ACAD11: variants seen among roughly 807,000 people sequenced by gnomAD.
ACAD11 encodes acyl-Coenzyme A dehydrogenase family, member 11.
In ACAD11, 83 loss-of-function variants were observed where a neutral mutation model predicts 102.2. The observed-to-expected ratio is 0.81, with a 90% confidence interval of 0.68 to 0.97. The LOEUF (loss-of-function observed/expected upper bound fraction) is 0.97. Ranked by LOEUF, ACAD11 falls within the 50% of genes least tolerant of loss-of-function variation. The probability of loss-of-function intolerance (pLI) is 0.00; values close to 1 mark genes in which losing one functional copy is unlikely to be tolerated. For missense variants in ACAD11, 901 were observed against 951.7 expected (o/e 0.95, Z 0.70); for synonymous variants, 324 against 319.8 (o/e 1.01, Z -0.14).
intron 1 of ACAD11, among the ~76,000 whole-genome samples, chr3:132,656,871 T>G (rs1004577955): frequency 2.0e-5 from 3 of 151,970 alleles, no homozygotes; most frequent in Admixed American, 2.0e-4. Context: ...TTAATTTGCA[T>G]TTCCCTTATT....
At chr3:132,559,654 A>G (rs1420473071) in intron 19 of ACAD11, among the ~76,000 whole-genome samples, 179 bp downstream of exon 19, 1 of 152,128 alleles carries the variant, frequency 6.6e-6, no homozygotes, top group Admixed American at 6.5e-5. Flanking sequence ...GAATGAAATG[A>G]TTATTGTAAT....
chr3:132,634,084 G>A (rs1341240561), intron 5 of ACAD11, among the ~76,000 whole-genome samples: 1 of 152,180 alleles, frequency 6.6e-6, no homozygotes, highest in African/African-American at 2.4e-5. Context: ...AAGAGCTTCT[G>A]CACAGCAAAA....
intron 15 of ACAD11, among the ~76,000 whole-genome samples, chr3:132,577,378 T>C (rs1937538398): frequency 6.6e-6 from 1 of 152,152 alleles, no homozygotes; most frequent in Admixed American, 6.5e-5. Flanking sequence ...ACAATTTGCA[T>C]GGAAAAAAGT....
chr3:132,562,388 C>T (rs1937088555), intron 17 of ACAD11, among the ~76,000 whole-genome samples: 1 of 152,216 alleles, frequency 6.6e-6, no homozygotes, highest in South Asian at 2.1e-4. Context: ...CAGGCGTGAG[C>T]CATCGCGAGA....
chr3:132,655,009 A>C (rs909049305), intron 1 of ACAD11, among the ~76,000 whole-genome samples: 1 of 152,240 alleles, frequency 6.6e-6, no homozygotes, highest in African/African-American at 2.4e-5. Context: ...TAATTGTAAC[A>C]AAATGATAAG....
intron 1 of ACAD11, chr3:132,654,398 A>C (rs1302653268): frequency 6.6e-6 from 1 of 152,238 alleles, no homozygotes; most frequent in Non-Finnish European, 1.5e-5. Context: ...CTCAGCTTAC[A>C]GTGAAATCAC....
chr3:132,631,516 A>T (rs2107866487), intron 5 of ACAD11, 37 bp from the exon 6 acceptor site: 1 of 1,357,262 alleles, frequency 7.4e-7, no homozygotes, highest in South Asian at 2.0e-5. Flanking sequence ...AACACATTAA[A>T]ACTTAAAACA....
Position 132,644,804 on chromosome 3 carries a change from G to A in ACAD11, c.242C>T (p.Ala81Val), listed in dbSNP as rs764323438. The A allele has an allele frequency of 1.2e-6, 2 of 1,604,040 alleles. No individual in the cohort carries two copies. The highest frequency in any genetic ancestry group is 2.2e-5 in the South Asian group (2 of 89,970). The change falls in exon 2 of 20, where the codon GCA becomes GTA. Residue 81 changes from alanine to valine, a missense_variant. By Grantham distance (64) the Ala-to-Val change is moderately conservative (BLOSUM62 0). Transcript: ENST00000264990. ...TACATTTGTATACTATACCTGATGT[G>A]CTTTAGGAAGAAGTGAACCTGGTGG... ...KKPPGSLLPK[A>V]HQIDREFKVQ...
intron 15 of ACAD11, 59 bp downstream of exon 15, chr3:132,578,737 T>C: frequency 1.9e-6 from 3 of 1,568,230 alleles, no homozygotes; most frequent in Non-Finnish European, 2.6e-6. Context: ...CCTTCAATGT[T>C]ACTGCATATT....
intron 11 of ACAD11, among the ~76,000 whole-genome samples, chr3:132,614,938 C>T (rs1336246009): frequency 2.6e-5 from 4 of 152,128 alleles, no homozygotes; most frequent in Non-Finnish European, 4.4e-5. Flanking sequence ...TGACAAAGGG[C>T]TAATATCCAG....
At chr3:132,579,376 T>C in intron 14 of ACAD11, 116 bp downstream of exon 14, 1 of 853,898 alleles carries the variant, frequency 1.2e-6, no homozygotes, top group Non-Finnish European at 1.8e-6. Flanking sequence ...ACATTTACTC[T>C]CATATCTTAC....
intron 15 of ACAD11, among the ~76,000 whole-genome samples, chr3:132,578,276 A>G (rs1358533092): frequency 6.6e-6 from 1 of 152,180 alleles, no homozygotes; most frequent in Non-Finnish European, 1.5e-5. Flanking sequence ...TTTATTGTAC[A>G]CAATGAACAC....
At chr3:132,643,737 G>C (rs940249449) in intron 2 of ACAD11, among the ~76,000 whole-genome samples, 1 of 152,064 alleles carries the variant, frequency 6.6e-6, no homozygotes, top group African/African-American at 2.4e-5. Context: ...AGGGGGAGGG[G>C]GTAAGGGGGA....
intron 11 of ACAD11, among the ~76,000 whole-genome samples, chr3:132,614,538 G>T (rs142455917): frequency 5.3e-5 from 8 of 152,270 alleles, no homozygotes; most frequent in Non-Finnish European, 8.8e-5. Flanking sequence ...ACAACCATCT[G>T]ATCTTGGACA....
intron 17 of ACAD11, among the ~76,000 whole-genome samples, chr3:132,574,839 T>G (rs575857341): frequency 1.3e-5 from 2 of 152,274 alleles, no homozygotes; most frequent in East Asian, 1.9e-4. Context: ...TTTCCTAATT[T>G]TTTTTCTTTT....
intron 14 of ACAD11, 49 bp downstream of exon 14, chr3:132,579,443 A>G (rs1326240663): frequency 6.9e-7 from 1 of 1,456,926 alleles, no homozygotes; most frequent in Admixed American, 1.7e-5. Flanking sequence ...GATAGGAGGA[A>G]GACTGGCTCA....
chr3:132,612,940 G>A (rs183903621), intron 11 of ACAD11, among the ~76,000 whole-genome samples: 84 of 152,080 alleles, frequency 5.5e-4, no homozygotes, highest in African/African-American at 2.0e-3. Context: ...TGTTTATTGT[G>A]GCACTATTCA....
Position 132,559,021 on chromosome 3 carries a change from C to A in ACAD11, c.2293G>T (p.Ala765Ser). 1 of 1,613,576 alleles carries A rather than the reference C, an allele frequency of 6.2e-7. No homozygotes were observed. Among genetic ancestry groups the A allele is most frequent in the Non-Finnish European group, 8.5e-7 (1 of 1,179,756 alleles). ...GCTTGGTCCCGCAGCTCCATTGTTG[C>A]GATTGCTGAAAGATGAACTTCGTCA... is the stretch of plus-strand genomic sequence containing the variant. ...GPDEVHLSAI[A>S]TMELRDQAKR... is the part of the protein sequence containing the mutation. Residue 765 changes from alanine to serine, a missense_variant, in exon 20 of 20, where the codon GCA becomes TCA. By Grantham distance (99) the Ala-to-Ser change is moderately conservative. Transcript: ENST00000264990.
chr3:132,558,935 A>G lies in ACAD11; in HGVS notation c.*36T>C, dbSNP rs1352063210. ...AGCCAATGAAGTTTGTATAAAGGAG[A>G]GTTTCTGCCAGTGGGATGTGGCAGT... On this transcript the variant is annotated 3_prime_UTR_variant, in exon 20 of 20. Transcript: ENST00000264990. The G allele has an allele frequency of 3.4e-6, 5 of 1,469,300 alleles. No individual in the cohort carries two copies. The highest frequency in any genetic ancestry group is 1.2e-5 in the South Asian group (1 of 85,156). 91.0% of individuals were successfully genotyped at this position (1,469,300 alleles called of 1,614,324 possible). A position where few individuals can be genotyped will look rare whatever the true frequency, so the allele number is the denominator to read the frequency against.
Sources: allele counts gnomAD v4.1 joint callset (sites outside exome capture counted in the v4.1 genomes callset), GRCh38; gene constraint gnomAD v4.1.1; transcripts MANE v1.5; gene names NCBI Gene and HGNC (gene_info 2026-07-23, HGNC 2026-07-21).